Variants in ZYG11B observed in about 807,000 individuals in gnomAD.
ZYG11B encodes protein zyg-11 homolog B.
A neutral mutation model predicts 82.4 loss-of-function variants in ZYG11B; 36 were observed. That is an observed-to-expected ratio of 0.44 (90% CI 0.33 to 0.58). The LOEUF is 0.58. Ranked by LOEUF, ZYG11B falls within the 20% of genes least tolerant of loss-of-function variation. ZYG11B has a pLI of 0.02. For synonymous variants in ZYG11B, 303 were observed against 312.8 expected (o/e 0.97, Z 0.33); for missense variants, 552 against 895.6 (o/e 0.62, Z 4.90).
intron 2 of ZYG11B, among the ~76,000 whole-genome samples, chr1:52,767,160 TTTATG>T (rs1217754091): frequency 7.0e-4 from 91 of 130,340 alleles, no homozygotes; most frequent in East Asian, 4.5e-3. Context: ...GTTATTTTAT[TTTATG>T]TTATGTTATT....
chr1:52,770,077 T>TAC (rs1644735083), intron 2 of ZYG11B, among the ~76,000 whole-genome samples: 1 of 54,312 alleles, frequency 1.8e-5, no homozygotes, highest in African/African-American at 4.5e-5. Context: ...AACTACTATA[T>TAC]ATATATATAT....
At chr1:52,747,218 G>T (rs1644484733) in intron 1 of ZYG11B, among the ~76,000 whole-genome samples, 1 of 151,794 alleles carries the variant, frequency 6.6e-6, no homozygotes, top group Non-Finnish European at 1.5e-5. Flanking sequence ...CTAGGTTCTA[G>T]GTATTAAGAA....
intron 1 of ZYG11B, among the ~76,000 whole-genome samples, chr1:52,752,934 G>A (rs1262688345): frequency 6.6e-6 from 1 of 151,632 alleles, no homozygotes; most frequent in Non-Finnish European, 1.5e-5. Flanking sequence ...TGCAACCTCT[G>A]CCTCCTGTGT....
chr1:52,761,656 A>G (rs1644632513), intron 2 of ZYG11B, among the ~76,000 whole-genome samples: 1 of 152,174 alleles, frequency 6.6e-6, no homozygotes, highest in Non-Finnish European at 1.5e-5. Context: ...CGGGGTACAG[A>G]TGTCTCTTTG....
At position 52,826,665 on chromosome 1, in the gene ZYG11B, A is replaced by G. The variant is rs1645327638; in HGVS notation, c.*5036A>G. The G allele has an allele frequency of 6.6e-6, 1 of 152,194 alleles. No homozygotes were observed. Among genetic ancestry groups the G allele is most frequent in the Non-Finnish European group, 1.5e-5 (1 of 68,042 alleles). 9.4% of individuals were successfully genotyped at this position (152,194 alleles called of 1,614,324 possible). On this transcript the variant is annotated 3_prime_UTR_variant, in exon 14 of 14. Transcript: ENST00000294353. ...ATTTTTTGGGGTAAGTTTTGCAAAG[A>G]TCAGTGCTGCTTCTCATGACTCTAA...
chr1:52,754,037 T>C (rs1336975114), intron 1 of ZYG11B, among the ~76,000 whole-genome samples: 1 of 151,614 alleles, frequency 6.6e-6, no homozygotes, highest in Non-Finnish European at 1.5e-5. Flanking sequence ...TTTGCCTTTT[T>C]TTTTTTGAGA....
chr1:52,735,727 G>A (rs12093666), intron 1 of ZYG11B, among the ~76,000 whole-genome samples: 18,303 of 151,950 alleles, frequency 0.12, 2,490 homozygotes, highest in East Asian at 0.35. Flanking sequence ...TAGAAGAGAT[G>A]GGGTTTCACT....
chr1:52,778,948 G>C (rs1316777160), intron 3 of ZYG11B, among the ~76,000 whole-genome samples: 1 of 152,028 alleles, frequency 6.6e-6, no homozygotes, highest in East Asian at 1.9e-4. Context: ...TAGCTATTGT[G>C]GTACAATGGT....
At chr1:52,812,446 A>C (rs1284599728) in intron 10 of ZYG11B, among the ~76,000 whole-genome samples, 1 of 152,136 alleles carries the variant, frequency 6.6e-6, no homozygotes, top group Admixed American at 6.5e-5. Flanking sequence ...TCTGTTGCCC[A>C]GGCTGGAGTG....
chr1:52,815,914 G>A (rs747271139), intron 12 of ZYG11B, among the ~76,000 whole-genome samples: 13 of 151,946 alleles, frequency 8.6e-5, no homozygotes, highest in Non-Finnish European at 1.3e-4. Flanking sequence ...CAGCCTGGGC[G>A]ACAGAGCGAG....
intron 1 of ZYG11B, among the ~76,000 whole-genome samples, chr1:52,738,414 C>T (rs981446570): frequency 2.6e-5 from 4 of 151,966 alleles, no homozygotes; most frequent in East Asian, 1.9e-4. Flanking sequence ...CTCCTAAGCT[C>T]AAGTGATCTG....
chr1:52,787,920 T>TG (rs1300892010), intron 5 of ZYG11B, among the ~76,000 whole-genome samples: 1 of 152,200 alleles, frequency 6.6e-6, no homozygotes, highest in Non-Finnish European at 1.5e-5. Context: ...TTAATTCTGC[T>TG]GGCTGGATTG....
chr1:52,778,416 C>G (rs1465486600), intron 3 of ZYG11B, among the ~76,000 whole-genome samples: 17 of 152,074 alleles, frequency 1.1e-4, no homozygotes, highest in Non-Finnish European at 1.2e-4. Flanking sequence ...ATAAGCCACT[C>G]TGCCAGCCTG....
rs3990840 is a variant in ZYG11B, at chr1:52,770,092, A to G, written c.197-928A>G. On this transcript the variant is annotated intron_variant, in intron 2 of 13. Coordinates refer to ENST00000294353, the MANE Select transcript of ZYG11B (RefSeq NM_024646.3). ...AACTACTATATATATATATATATAT[A>G]TTTTTTTTTTTTTTTCAGAGACAGG... Among the ~76,000 whole-genome samples the G allele has an allele frequency of 7.4e-5, 7 of 94,454 alleles. No individual in the cohort carries two copies. The East Asian group carries it at 2.3e-3, about 31-fold the overall frequency. 62.0% of individuals were successfully genotyped at this position (94,454 alleles called of 152,430 possible). A position where few individuals can be genotyped will look rare whatever the true frequency, so the allele number is the denominator to read the frequency against.
chr1:52,752,288 A>T (rs1311728543), intron 1 of ZYG11B, among the ~76,000 whole-genome samples: 1 of 152,212 alleles, frequency 6.6e-6, no homozygotes, highest in Non-Finnish European at 1.5e-5. Context: ...ATACAAATGA[A>T]CAGCCAGATG....
chr1:52,744,407 G>A (rs912731152), intron 1 of ZYG11B, among the ~76,000 whole-genome samples: 1 of 152,112 alleles, frequency 6.6e-6, no homozygotes, highest in African/African-American at 2.4e-5. Context: ...ATATATTCCT[G>A]TTGTTAAGCA....
At chr1:52,772,781 C>T (rs1644766465) in intron 3 of ZYG11B, 5 of 562,672 alleles carry the variant, frequency 8.9e-6, no homozygotes, top group Admixed American at 3.0e-5. Flanking sequence ...GGGTTCACGC[C>T]ATTCTTCTGC....
chr1:52,803,223 T>C lies in ZYG11B; in HGVS notation c.1695+1084T>C, dbSNP rs543916137. Among the ~76,000 whole-genome samples, 605 of 71,950 alleles carry C rather than the reference T, an allele frequency of 8.4e-3. 36 individuals carry two copies. Among genetic ancestry groups the C allele is most frequent in the Middle Eastern group, 0.063 (10 of 158 alleles). The allele number at this position is 71,950 out of a possible 152,430, so 47.2% of individuals were successfully genotyped here. The stretch of plus-strand genomic sequence containing the variant: ...ATATATACACACACATATATATATA[T>C]ACACACATATATATATACACACACA... On this transcript the variant is annotated intron_variant, in intron 10 of 13. Transcript: ENST00000294353.
At chr1:52,786,787 A>G (rs1644916520) in intron 5 of ZYG11B, among the ~76,000 whole-genome samples, 2 of 151,578 alleles carry the variant, frequency 1.3e-5, no homozygotes, top group Admixed American at 6.6e-5. Context: ...TCTCAAAACA[A>G]ACAAACAAAA....
Sources: allele counts gnomAD v4.1 joint callset (sites outside exome capture counted in the v4.1 genomes callset), GRCh38; gene constraint gnomAD v4.1.1; transcripts MANE v1.5; gene names NCBI Gene and HGNC (gene_info 2026-07-23, HGNC 2026-07-21).